TMC1: variants seen among roughly 807,000 people sequenced by gnomAD.
TMC1 encodes the protein transmembrane channel-like protein 1.
In TMC1, 84 loss-of-function variants were observed where a neutral mutation model predicts 105.8. The observed-to-expected ratio is 0.79, with a 90% CI of 0.67 to 0.95. The LOEUF (loss-of-function observed/expected upper bound fraction) is 0.95. TMC1 is among the 40% of genes least tolerant of loss of function. The pLI, the probability that TMC1 is intolerant of heterozygous loss-of-function variation, is 0.00. For missense variants in TMC1, 817 were observed against 914.1 expected (o/e 0.89, Z 1.37); for synonymous variants, 315 against 311.5 (o/e 1.01, Z -0.12).
intron 13 of TMC1, among the ~76,000 whole-genome samples, chr9:72,786,360 C>T (rs1458165501): frequency 4.6e-5 from 7 of 152,140 alleles, no homozygotes; most frequent in Admixed American, 3.3e-4. Context: ...AGGAGAATGG[C>T]GTGATCCCGG....
At chr9:72,825,551 C>A (rs1259411540) in intron 20 of TMC1, among the ~76,000 whole-genome samples, 1 of 152,090 alleles carries the variant, frequency 6.6e-6, no homozygotes, top group Non-Finnish European at 1.5e-5. Flanking sequence ...GCTGAGAAGG[C>A]CTTTGTGTGT....
intron 8 of TMC1, among the ~76,000 whole-genome samples, chr9:72,736,321 A>G (rs1179238859): frequency 6.6e-6 from 1 of 152,160 alleles, no homozygotes; most frequent in Non-Finnish European, 1.5e-5. Flanking sequence ...TTATTAACTG[A>G]GTTTATAATT....
intron 8 of TMC1, among the ~76,000 whole-genome samples, chr9:72,737,128 C>T (rs73647809): frequency 0.013 from 1,949 of 152,166 alleles, 55 homozygotes; most frequent in African/African-American, 0.044. Context: ...AGTGTGGTAG[C>T]TGATGGATAT....
intron 17 of TMC1, among the ~76,000 whole-genome samples, chr9:72,792,927 G>C (rs1040165283): frequency 6.6e-6 from 1 of 152,158 alleles, no homozygotes; most frequent in Non-Finnish European, 1.5e-5. Context: ...AAGGCAGGGT[G>C]ACAGCCCACC....
chr9:72,560,506 T>A (rs1247568626), intron 1 of TMC1, among the ~76,000 whole-genome samples: 1 of 152,188 alleles, frequency 6.6e-6, no homozygotes, highest in African/African-American at 2.4e-5. Flanking sequence ...CCTTTTCTTT[T>A]TCTTTTTTTT....
intron 8 of TMC1, among the ~76,000 whole-genome samples, chr9:72,715,941 T>A (rs532433798): frequency 1.3e-5 from 2 of 152,284 alleles, no homozygotes; most frequent in East Asian, 1.9e-4. Context: ...TCGGCTGGGG[T>A]CTCTGAGTGG....
intron 3 of TMC1, among the ~76,000 whole-genome samples, chr9:72,622,028 T>G (rs1261276736): frequency 6.6e-6 from 1 of 152,176 alleles, no homozygotes; most frequent in African/African-American, 2.4e-5. Context: ...TTGCTTTGTG[T>G]GAATGGAGCT....
chr9:72,750,264 C>A (rs1827561304), intron 10 of TMC1, among the ~76,000 whole-genome samples: 1 of 152,112 alleles, frequency 6.6e-6, no homozygotes, highest in Non-Finnish European at 1.5e-5. Context: ...GTTTCAAAGC[C>A]AGAAGGCTCC....
chr9:72,601,303 T>C (rs577180097), intron 2 of TMC1, among the ~76,000 whole-genome samples: 25 of 151,798 alleles, frequency 1.6e-4, no homozygotes, highest in African/African-American at 5.8e-4. Flanking sequence ...ACAAGGAGTT[T>C]GAGACTATCC....
At chr9:72,701,276 A>G (rs1012884368) in intron 8 of TMC1, among the ~76,000 whole-genome samples, 4 of 152,204 alleles carry the variant, frequency 2.6e-5, no homozygotes, top group Non-Finnish European at 5.9e-5. Flanking sequence ...ACCCAATTTC[A>G]GTCTTATGTT....
intron 7 of TMC1, among the ~76,000 whole-genome samples, chr9:72,697,744 T>C (rs932584913): frequency 3.3e-5 from 5 of 152,206 alleles, no homozygotes; most frequent in Admixed American, 3.3e-4. Context: ...AGCTTTAAGG[T>C]AATTATATGT....
chr9:72,645,003 T>C (rs1426179815), intron 4 of TMC1, among the ~76,000 whole-genome samples: 1 of 152,184 alleles, frequency 6.6e-6, no homozygotes, highest in Non-Finnish European at 1.5e-5. Flanking sequence ...AAATCATTGA[T>C]GCTTTATGAA....
chr9:72,638,431 G>C (rs1489059997), intron 4 of TMC1, among the ~76,000 whole-genome samples: 1 of 152,030 alleles, frequency 6.6e-6, no homozygotes, highest in Admixed American at 6.6e-5. Flanking sequence ...TCTGGAACTC[G>C]TGTACCTCTC....
At chr9:72,805,573 T>C (rs1196419521) in intron 18 of TMC1, 63 bp downstream of exon 18, 1 of 1,437,450 alleles carries the variant, frequency 7.0e-7, no homozygotes, top group Admixed American at 2.0e-5. Context: ...TATTGATAAT[T>C]CTTGGGTGTT....
chr9:72,567,038 C>G (rs922016709), intron 1 of TMC1, among the ~76,000 whole-genome samples: 14 of 152,158 alleles, frequency 9.2e-5, no homozygotes, highest in African/African-American at 2.9e-4. Context: ...GCAGATGTTC[C>G]TTTATAATTT....
intron 1 of TMC1, among the ~76,000 whole-genome samples, chr9:72,554,214 A>G (rs930194822): frequency 2.0e-5 from 3 of 151,914 alleles, no homozygotes; most frequent in Non-Finnish European, 4.4e-5. Flanking sequence ...GTGATCGTTT[A>G]TTGCTGAATA....
At chr9:72,580,581 T>TGTGC (rs1554713253) in intron 2 of TMC1, among the ~76,000 whole-genome samples, 1 of 152,010 alleles carries the variant, frequency 6.6e-6, no homozygotes, top group Admixed American at 6.6e-5. Flanking sequence ...TGTGTGTGTG[T>TGTGC]GCATGCCAGT....
intron 2 of TMC1, among the ~76,000 whole-genome samples, chr9:72,593,673 T>G (rs926822234): frequency 6.6e-6 from 1 of 150,400 alleles, no homozygotes; most frequent in Non-Finnish European, 1.5e-5. Context: ...ATTACAGGCA[T>G]GAGCCCCCGT....
chr9:72,712,018 A>C (rs1387948253), intron 8 of TMC1, among the ~76,000 whole-genome samples: 2 of 152,184 alleles, frequency 1.3e-5, no homozygotes, highest in Non-Finnish European at 2.9e-5. Flanking sequence ...CCATTTATTG[A>C]ATAGGGAATC....
Sources: allele counts gnomAD v4.1 joint callset (sites outside exome capture counted in the v4.1 genomes callset), GRCh38; gene constraint gnomAD v4.1.1; transcripts MANE v1.5; gene names NCBI Gene and HGNC (gene_info 2026-07-23, HGNC 2026-07-21).